COL24A1: variants seen among roughly 807,000 people sequenced by gnomAD.
COL24A1 encodes collagen alpha-1(XXIV) chain.
Under a neutral mutation model 253.9 loss-of-function variants are expected in COL24A1, and 224 were observed. The observed-to-expected ratio is 0.88, with a 90% confidence interval of 0.79 to 0.99. COL24A1 has a LOEUF of 0.99. COL24A1 is among the 50% of genes least tolerant of loss of function. The pLI, the probability that COL24A1 is intolerant of heterozygous loss-of-function variation, is 0.00. For synonymous variants in COL24A1, 685 were observed against 673.7 expected, an observed-to-expected ratio of 1.02 and a Z score of -0.26; for missense variants, 2,131 against 2,068.5, an observed-to-expected ratio of 1.03 and a Z score of -0.59.
At chr1:86,123,213 T>C (rs1444154532) in intron 3 of COL24A1, among the ~76,000 whole-genome samples, 3 of 152,004 alleles carry the variant, frequency 2.0e-5, no homozygotes, top group African/African-American at 7.2e-5. Flanking sequence ...AAAACTCACC[T>C]ACTCCTCTCA....
At chr1:85,788,776 T>C (rs1669970875) in intron 47 of COL24A1, among the ~76,000 whole-genome samples, 1 of 152,214 alleles carries the variant, frequency 6.6e-6, no homozygotes. Context: ...ATTTTCTGCA[T>C]ATGGCTAGCC....
At chr1:85,846,109 G>A (rs1337584015) in intron 39 of COL24A1, among the ~76,000 whole-genome samples, 2 of 151,682 alleles carry the variant, frequency 1.3e-5, no homozygotes, top group African/African-American at 2.4e-5. Context: ...TTTATGGTAA[G>A]GGAAGCATTT....
At chr1:86,035,559 C>T (rs916507460) in intron 12 of COL24A1, among the ~76,000 whole-genome samples, 2 of 151,934 alleles carry the variant, frequency 1.3e-5, no homozygotes, top group Non-Finnish European at 1.5e-5. Context: ...TGGTTGCCTA[C>T]GGCTGGTGAT....
At chr1:85,793,291 T>C (rs1018011486) in intron 47 of COL24A1, among the ~76,000 whole-genome samples, 8 of 152,304 alleles carry the variant, frequency 5.3e-5, no homozygotes, top group South Asian at 4.1e-4. Context: ...TATAGGTTCA[T>C]GTTCCTCAGC....
rs1006204779 is a variant in COL24A1, at chr1:85,730,239, A to G, written c.*307T>C. 1.3e-5 allele frequency: 3 copies of G among 226,964 alleles called. No individual in the cohort carries two copies. Among genetic ancestry groups the G allele is most frequent in the African/African-American group, 4.6e-5 (2 of 43,752 alleles). The allele number at this position is 226,964 out of a possible 1,614,324, so 14.1% of individuals were successfully genotyped here. A position where few individuals can be genotyped will look rare whatever the true frequency, so the allele number is the denominator to read the frequency against. ...CATCTCCAGCTGTCTAATGGGTACT[A>G]CGCACTCAGTCAAAAATATAAGATA... On this transcript the variant is annotated 3_prime_UTR_variant, in exon 60 of 60. Coordinates refer to ENST00000370571, the MANE Select transcript of COL24A1 (RefSeq NM_152890.7).
At chr1:86,136,711 A>G (rs1650308608) in intron 2 of COL24A1, among the ~76,000 whole-genome samples, 1 of 152,006 alleles carries the variant, frequency 6.6e-6, no homozygotes, top group Non-Finnish European at 1.5e-5. Flanking sequence ...CAGCCATTAT[A>G]TTCCCCACAC....
At chr1:86,061,972 A>G (rs1298046767) in intron 8 of COL24A1, among the ~76,000 whole-genome samples, 4 of 152,072 alleles carry the variant, frequency 2.6e-5, no homozygotes, top group East Asian at 1.9e-4. Flanking sequence ...CACTGCTACT[A>G]TAGTTTCTCT....
At chr1:85,790,529 AT>A (rs1670168220) in intron 47 of COL24A1, among the ~76,000 whole-genome samples, 1 of 145,516 alleles carries the variant, frequency 6.9e-6, no homozygotes, top group Admixed American at 6.8e-5. Context: ...TTTTGAAGGG[AT>A]TTTGTGTCTT....
chr1:86,134,218 C>G (rs187791575), intron 2 of COL24A1, among the ~76,000 whole-genome samples: 1 of 148,174 alleles, frequency 6.7e-6, no homozygotes, highest in Non-Finnish European at 1.5e-5. Flanking sequence ...TTTTTTATTG[C>G]GTCTATTTGA....
chr1:85,823,620 A>G lies in COL24A1; in HGVS notation c.3736-31T>C, dbSNP rs766877138. 5.6e-6 allele frequency: 9 copies of G among 1,613,522 alleles called. No individual in the cohort carries two copies. The South Asian group carries it at 8.8e-5, about 16-fold the overall frequency. On this transcript the variant is annotated intron_variant, in intron 44 of 59. Transcript: ENST00000370571. ...GTAGAAACCAAAATAAAAATCACAT[A>G]TGAAGCAGAGACCAAATAAGTTATA...
intron 45 of COL24A1, among the ~76,000 whole-genome samples, chr1:85,819,884 G>A (rs1485121968): frequency 7.4e-6 from 1 of 135,710 alleles, no homozygotes; most frequent in Non-Finnish European, 1.5e-5. Flanking sequence ...GTCTCACTCT[G>A]TCACCCAGGT....
intron 1 of COL24A1, 119 bp downstream of exon 1, chr1:86,156,222 C>A (rs1653592426): frequency 1.6e-5 from 15 of 917,224 alleles, no homozygotes; most frequent in Non-Finnish European, 2.3e-5. Flanking sequence ...CTCGGCCGCT[C>A]CTAAAGCCAA....
chr1:86,046,585 G>A (rs1699919839), intron 12 of COL24A1, among the ~76,000 whole-genome samples: 1 of 152,048 alleles, frequency 6.6e-6, no homozygotes, highest in African/African-American at 2.4e-5. Context: ...AGAGATAAGG[G>A]TTTTCCCACT....
At chr1:85,870,163 T>C (rs1041928666) in intron 35 of COL24A1, among the ~76,000 whole-genome samples, 62 of 152,278 alleles carry the variant, frequency 4.1e-4, no homozygotes, top group African/African-American at 1.4e-3. Flanking sequence ...TAAATATACA[T>C]GCACCCAATA....
intron 7 of COL24A1, among the ~76,000 whole-genome samples, chr1:86,081,324 TG>T (rs763676696): frequency 2.8e-4 from 40 of 142,424 alleles, no homozygotes; most frequent in African/African-American, 8.8e-4. Flanking sequence ...TTTTTTTTTT[TG>T]AAAGTGTCAC....
intron 32 of COL24A1, among the ~76,000 whole-genome samples, chr1:85,879,987 AT>A (rs1191529317): frequency 2.6e-5 from 4 of 152,190 alleles, no homozygotes; most frequent in South Asian, 4.1e-4. Flanking sequence ...TTGTTCTTCA[AT>A]ATTGTATTGG....
chr1:86,006,757 C>T (rs1223285818), intron 19 of COL24A1, among the ~76,000 whole-genome samples: 1 of 151,644 alleles, frequency 6.6e-6, no homozygotes, highest in Non-Finnish European at 1.5e-5. Context: ...AGAACTGTTA[C>T]CCCAAATATA....
intron 2 of COL24A1, among the ~76,000 whole-genome samples, chr1:86,138,822 T>A (rs1405726500): frequency 6.6e-6 from 1 of 152,066 alleles, no homozygotes; most frequent in Non-Finnish European, 1.5e-5. Flanking sequence ...CTTCCTTGAA[T>A]TTCTTGCCAT....
intron 59 of COL24A1, among the ~76,000 whole-genome samples, chr1:85,733,724 C>T (rs1048292505): frequency 8.6e-5 from 13 of 151,348 alleles, no homozygotes; most frequent in Non-Finnish European, 1.3e-4. Flanking sequence ...GGATTATTGG[C>T]GTGTGCCACC....
Sources: gnomAD v4.1 joint callset for allele counts (sites outside exome capture counted in the v4.1 genomes callset) on GRCh38, gnomAD v4.1.1 for gene constraint, MANE v1.5 for transcripts, NCBI Gene and HGNC (gene_info 2026-07-23, HGNC 2026-07-21) for gene names.